The following FNTB variants were observed in gnomAD, a reference collection of about 807,000 sequenced individuals.
FNTB encodes the protein farnesyltransferase, CAAX box, subunit beta.
Under a neutral mutation model 59.4 loss-of-function variants are expected in FNTB, and 27 were observed. The observed-to-expected ratio is 0.45, with a 90% confidence interval of 0.34 to 0.63. FNTB has a LOEUF of 0.63. Ranked by LOEUF, FNTB falls within the 20% of genes least tolerant of loss-of-function variation. The probability of loss-of-function intolerance (pLI) is 0.02; values close to 1 mark genes in which losing one functional copy is unlikely to be tolerated. For missense variants in FNTB, 449 were observed against 559.6 expected, an observed-to-expected ratio of 0.80 and a Z score of 1.99; for synonymous variants, 230 against 220.7, an observed-to-expected ratio of 1.04 and a Z score of -0.37.
chr14:65,025,338 G>A (rs924538467), intron 4 of FNTB, among the ~76,000 whole-genome samples: 57 of 152,200 alleles, frequency 3.7e-4, no homozygotes, highest in African/African-American at 1.3e-3. Flanking sequence ...AAAATGTGCT[G>A]TTAAGTTTTG....
intron 1 of FNTB, among the ~76,000 whole-genome samples, chr14:65,000,926 A>T (rs936539162): frequency 1.3e-5 from 2 of 152,104 alleles, no homozygotes; most frequent in South Asian, 4.1e-4. Flanking sequence ...ACTCTACACT[A>T]AAATTACATA....
chr14:65,055,222 A>C (rs77834569), intron 11 of FNTB, among the ~76,000 whole-genome samples: 2,588 of 152,302 alleles, frequency 0.017, 28 homozygotes, highest in Middle Eastern at 0.027. Flanking sequence ...TCCTGAAAAA[A>C]CAATAGCCCT....
intron 11 of FNTB, among the ~76,000 whole-genome samples, 168 bp from the exon 12 acceptor site, chr14:65,061,013 T>A (rs2062854827): frequency 6.6e-6 from 1 of 152,184 alleles, no homozygotes; most frequent in African/African-American, 2.4e-5. Flanking sequence ...CTGTGTCCCA[T>A]GTACTAGATA....
At chr14:65,017,035 G>C (rs2061788592) in intron 4 of FNTB, among the ~76,000 whole-genome samples, 1 of 148,054 alleles carries the variant, frequency 6.8e-6, no homozygotes, top group East Asian at 2.0e-4. Flanking sequence ...CGATTCTCCT[G>C]CCTCAGCCTC....
intron 1 of FNTB, chr14:64,987,549 A>C: frequency 5.9e-6 from 1 of 169,038 alleles, no homozygotes; most frequent in Non-Finnish European, 1.3e-5. Flanking sequence ...TTAATTTTTG[A>C]CCTACAGTGC....
At chr14:65,015,410 CTT>C (rs888923691) in intron 3 of FNTB, 6,996 of 155,168 alleles carry the variant, frequency 0.045, 11 homozygotes, top group East Asian at 0.11. Context: ...GCCTTGTTAT[CTT>C]TTTTTTTTTT....
At chr14:65,004,346 G>C in intron 2 of FNTB, 33 bp downstream of exon 2, 3 of 1,604,116 alleles carry the variant, frequency 1.9e-6, no homozygotes, top group Non-Finnish European at 2.6e-6. Flanking sequence ...AGGGGATCTG[G>C]GAGAACACCA....
Position 65,006,359 on chromosome 14 carries a change from A to G in FNTB, c.209+2046A>G, listed in dbSNP as rs1042645577. The stretch of plus-strand genomic sequence containing the variant: ...CTTAACTGCTAAACCAAATCTCTGC[A>G]TTAACCCAATGCTCTGACCTCAATA... On this transcript the variant is annotated intron_variant, in intron 2 of 11. Transcript: ENST00000246166. 1.6e-5 allele frequency: 25 copies of G among 1,590,608 alleles called. No homozygotes were observed. In the African/African-American group the frequency reaches 3.3e-4, roughly 21 times the overall value.
At chr14:65,008,529 A>G (rs2061631414) in intron 2 of FNTB, among the ~76,000 whole-genome samples, 1 of 152,266 alleles carries the variant, frequency 6.6e-6, no homozygotes, top group Admixed American at 6.5e-5. Context: ...TTTGAGAGAG[A>G]GAATCACTGG....
At chr14:65,006,229 A>G in intron 2 of FNTB, 1 of 1,613,488 alleles carries the variant, frequency 6.2e-7, no homozygotes, top group Non-Finnish European at 8.5e-7. Flanking sequence ...AACAGTTGGA[A>G]AAGGCAAGTG....
chr14:65,003,878 A>G (rs2061544411), intron 1 of FNTB: 1 of 155,722 alleles, frequency 6.4e-6, no homozygotes, highest in Non-Finnish European at 1.4e-5. Context: ...GCAGTTTCTC[A>G]AAATAATCCT....
At chr14:65,055,970 T>A (rs1424196846) in intron 11 of FNTB, among the ~76,000 whole-genome samples, 1 of 152,212 alleles carries the variant, frequency 6.6e-6, no homozygotes, top group East Asian at 1.9e-4. Context: ...TTGCCTCTTA[T>A]GTAGCCCTCT....
Position 65,044,247 on chromosome 14 carries a change from TTC to T in FNTB, c.823-62_823-61del, listed in dbSNP as rs777164875. The T allele has an allele frequency of 2.5e-6, 4 of 1,606,682 alleles. No homozygotes were observed. Among genetic ancestry groups the T allele is most frequent in the Non-Finnish European group, 3.4e-6 (4 of 1,177,136 alleles). On this transcript the variant is annotated intron_variant, in intron 8 of 11. Coordinates refer to ENST00000246166, the MANE Select transcript of FNTB (RefSeq NM_002028.4). This position sits in a 1 kb window ranked among gnomAD's most constrained non-coding sequence, Gnocchi z 5.5. ...CATCCCACAGATTGACTCCTGGAGA[TTC>T]TGTCGGGCTGGATTTTGTCTCTTTT...
At chr14:64,995,590 G>T (rs898981534) in intron 1 of FNTB, among the ~76,000 whole-genome samples, 1 of 151,686 alleles carries the variant, frequency 6.6e-6, no homozygotes, top group African/African-American at 2.4e-5. Context: ...GTACGTTCTT[G>T]ACCAAAACAT....
At chr14:65,033,523 T>C (rs1378719857) in intron 7 of FNTB, among the ~76,000 whole-genome samples, 1 of 152,208 alleles carries the variant, frequency 6.6e-6, no homozygotes, top group Non-Finnish European at 1.5e-5. Context: ...TTCTATATTT[T>C]GTTTGCTGTA....
chr14:65,044,566 T>C lies in FNTB; in HGVS notation c.955+123T>C. The C allele has an allele frequency of 7.1e-7, 1 of 1,413,148 alleles. No individual in the cohort carries two copies. The highest frequency in any genetic ancestry group is 9.4e-7 in the Non-Finnish European group (1 of 1,067,242). 87.5% of individuals were successfully genotyped at this position (1,413,148 alleles called of 1,614,324 possible). A position where few individuals can be genotyped will look rare whatever the true frequency, so the allele number is the denominator to read the frequency against. ...AGCTCTGTCTATCCTGGATTTTGAGTGCCCAGTGTGGAACCTCATGCCGTG... is the reference window on the plus strand; with the variant it reads ...AGCTCTGTCTATCCTGGATTTTGAGCGCCCAGTGTGGAACCTCATGCCGTG... On this transcript the variant is annotated intron_variant, in intron 9 of 11. Coordinates refer to ENST00000246166, the MANE Select transcript of FNTB (RefSeq NM_002028.4). The surrounding 1 kb of genome is among the most constrained non-coding windows in gnomAD (Gnocchi z 5.5).
chr14:65,058,158 T>A (rs544984556), intron 11 of FNTB, among the ~76,000 whole-genome samples: 1 of 152,200 alleles, frequency 6.6e-6, no homozygotes, highest in South Asian at 2.1e-4. Flanking sequence ...GAGAACTGAC[T>A]TCTTTTCAAT....
chr14:65,021,972 A>G, intron 4 of FNTB: 1 of 455,976 alleles, frequency 2.2e-6, no homozygotes, highest in Non-Finnish European at 4.4e-6. Context: ...CGACCTGACC[A>G]TTCTTCCAGA....
At chr14:65,002,160 A>G (rs544051161) in intron 1 of FNTB, among the ~76,000 whole-genome samples, 1 of 152,194 alleles carries the variant, frequency 6.6e-6, no homozygotes, top group African/African-American at 2.4e-5. Context: ...TCAAAAAAAA[A>G]CATGTCTCAC....
Sources: allele counts gnomAD v4.1 joint callset (sites outside exome capture counted in the v4.1 genomes callset), GRCh38; gene constraint gnomAD v4.1.1; non-coding constraint Gnocchi (gnomAD v3.1); transcripts MANE v1.5; gene names NCBI Gene and HGNC (gene_info 2026-07-23, HGNC 2026-07-21).